The following RAB3GAP2 variants were observed in gnomAD, a reference collection of about 807,000 sequenced individuals.
RAB3GAP2 encodes RAB3 GTPase activating non-catalytic protein subunit 2.
A neutral mutation model predicts 185.3 loss-of-function variants in RAB3GAP2; 87 were observed. The ratio of observed to expected loss-of-function variants is 0.47; its 90% CI spans 0.39 to 0.56. The LOEUF is 0.56. RAB3GAP2 is among the 20% of genes least tolerant of loss of function. The pLI, the probability that RAB3GAP2 is intolerant of heterozygous loss-of-function variation, is 0.00. For synonymous variants in RAB3GAP2, 554 were observed against 576.1 expected, an observed-to-expected ratio of 0.96 and a Z score of 0.55; for missense variants, 1,492 against 1,638.2, an observed-to-expected ratio of 0.91 and a Z score of 1.54.
chr1:220,238,695 T>C, intron 1 of RAB3GAP2, among the ~76,000 whole-genome samples: 1 of 152,252 alleles, frequency 6.6e-6, no homozygotes, highest in East Asian at 1.9e-4. Flanking sequence ...TAAGTGACTC[T>C]ACCTCTCCAA....
chr1:220,159,489 A>G, intron 28 of RAB3GAP2, 68 bp from the exon 29 acceptor site: 1 of 1,209,262 alleles, frequency 8.3e-7, no homozygotes, highest in Non-Finnish European at 1.2e-6. Flanking sequence ...TATGGCACAA[A>G]TAATAAAAAG....
At chr1:220,254,191 G>C in intron 1 of RAB3GAP2, 1 of 1,613,546 alleles carries the variant, frequency 6.2e-7, no homozygotes, top group Admixed American at 1.7e-5. Context: ...TGGAAACACA[G>C]ATAATAAGGA....
At chr1:220,182,663 C>T in intron 20 of RAB3GAP2, 55 bp downstream of exon 20, 2 of 1,345,874 alleles carry the variant, frequency 1.5e-6, no homozygotes, top group South Asian at 1.4e-5. Context: ...ATGTTCCTAC[C>T]ATGTTTTCTT....
chr1:220,234,763 G>C (rs576727124), intron 1 of RAB3GAP2, among the ~76,000 whole-genome samples: 1 of 152,226 alleles, frequency 6.6e-6, no homozygotes, highest in African/African-American at 2.4e-5. Context: ...GAGAAAGTAA[G>C]AGATGGGGAA....
chr1:220,186,485 T>C (rs901821010), intron 17 of RAB3GAP2, among the ~76,000 whole-genome samples: 7 of 152,200 alleles, frequency 4.6e-5, no homozygotes, highest in Admixed American at 1.3e-4. Context: ...GCTCAAGATG[T>C]TGGTCAGGCC....
At chr1:220,236,153 T>C (rs566275500) in intron 1 of RAB3GAP2, among the ~76,000 whole-genome samples, 1 of 152,152 alleles carries the variant, frequency 6.6e-6, no homozygotes, top group East Asian at 1.9e-4. Flanking sequence ...AGTGGGGCAA[T>C]ACCCTTGTGG....
intron 9 of RAB3GAP2, among the ~76,000 whole-genome samples, chr1:220,199,347 T>C (rs1658796874): frequency 6.6e-6 from 1 of 152,214 alleles, no homozygotes; most frequent in African/African-American, 2.4e-5. Context: ...ATGCTCCTTG[T>C]TTGTGATTTT....
chr1:220,172,971 C>G (rs1571881823), intron 21 of RAB3GAP2, among the ~76,000 whole-genome samples: 2 of 152,160 alleles, frequency 1.3e-5, no homozygotes, highest in African/African-American at 4.8e-5. Context: ...TGTTTCCAAA[C>G]CTTCTTTGGG....
intron 9 of RAB3GAP2, chr1:220,200,592 T>G (rs551633647): frequency 1.9e-6 from 1 of 529,704 alleles, no homozygotes; most frequent in East Asian, 5.5e-5. Flanking sequence ...TTCTATCCAA[T>G]CATTTTCCCT....
intron 1 of RAB3GAP2, among the ~76,000 whole-genome samples, chr1:220,248,269 G>A (rs1330243254): frequency 6.6e-6 from 1 of 152,140 alleles, no homozygotes; most frequent in Non-Finnish European, 1.5e-5. Flanking sequence ...ACAAGATGAA[G>A]TTATGAGGAC....
chr1:220,213,154 T>G (rs1021830238), intron 3 of RAB3GAP2, among the ~76,000 whole-genome samples, 186 bp from the exon 4 acceptor site: 1 of 152,228 alleles, frequency 6.6e-6, no homozygotes, highest in African/African-American at 2.4e-5. Flanking sequence ...ATAATACACC[T>G]AGTCTCCTGG....
intron 1 of RAB3GAP2, among the ~76,000 whole-genome samples, chr1:220,235,136 A>T (rs1268382352): frequency 1.3e-5 from 2 of 152,214 alleles, no homozygotes; most frequent in Non-Finnish European, 2.9e-5. Flanking sequence ...ATGAAGGGTA[A>T]GATTAGGGAA....
In RAB3GAP2 at chr1:220,172,708, T is replaced by G; in HGVS notation, c.2345A>C (p.Lys782Thr). 1.2e-6 allele frequency: 2 copies of G among 1,612,380 alleles called. No individual in the cohort carries two copies. Reference protein sequence around the residue: ...LLLSVWLSKEKDILDKPQSIC... With the variant: ...LLLSVWLSKETDILDKPQSIC... The stretch of plus-strand genomic sequence containing the variant: ...TGACTGTGGTTTATCCAAAATATCC[T>G]TTTCCTTTGAAAGCCAAACACTCAG... Residue 782 changes from lysine to threonine, a missense_variant, in exon 22 of 35, where the codon AAG becomes ACG. Coordinates refer to ENST00000358951, the MANE Select transcript of RAB3GAP2 (RefSeq NM_012414.4).
At chr1:220,212,273 A>C (rs1194612774) in intron 4 of RAB3GAP2, among the ~76,000 whole-genome samples, 16 of 152,198 alleles carry the variant, frequency 1.1e-4, no homozygotes, top group Admixed American at 1.0e-3. Context: ...TTTTTCAATG[A>C]ATAAAATTAG....
At chr1:220,216,464 G>C (rs1015513944) in intron 2 of RAB3GAP2, among the ~76,000 whole-genome samples, 2 of 152,132 alleles carry the variant, frequency 1.3e-5, no homozygotes, top group South Asian at 2.1e-4. Flanking sequence ...CACTCCTCAT[G>C]ATGGCTTGCT....
intron 1 of RAB3GAP2, chr1:220,266,843 T>A (rs1043721541): frequency 2.6e-5 from 41 of 1,596,876 alleles, no homozygotes; most frequent in Middle Eastern, 3.7e-4. Flanking sequence ...TGAAATGAGG[T>A]CCCTGGCTCC....
In RAB3GAP2 at chr1:220,157,371, A is replaced by G. The variant is rs774874748; in HGVS notation, c.3454T>C (p.Tyr1152His). ...ATGGAGTGGTGCTCCACCAGTGGGT[A>G]GTGGATGTGCTTCTGTTCAAGGGCC... is the stretch of plus-strand genomic sequence containing the variant. ...ELALEQKHIH[Y>H]PLVEHHSILC... Residue 1152 changes from tyrosine (Y) to histidine (H), a missense_variant, in exon 31 of 35, where the codon TAC becomes CAC. Coordinates refer to ENST00000358951, the MANE Select transcript of RAB3GAP2 (RefSeq NM_012414.4). The G allele has an allele frequency of 6.2e-7, 1 of 1,613,230 alleles. No individual in the cohort carries two copies. The highest frequency in any genetic ancestry group is 8.5e-7 in the Non-Finnish European group (1 of 1,179,816).
chr1:220,266,812 G>A (rs1010757522), intron 1 of RAB3GAP2: 39 of 1,595,688 alleles, frequency 2.4e-5, no homozygotes, highest in Non-Finnish European at 3.2e-5. Flanking sequence ...GCCTCTGGCT[G>A]GGAACATGCT....
At chr1:220,202,201 T>C (rs1410028120) in intron 9 of RAB3GAP2, 75 bp downstream of exon 9, 1 of 1,474,146 alleles carries the variant, frequency 6.8e-7, no homozygotes. Context: ...TAAATGCCCA[T>C]TTCTAATAAA....
Sources: gnomAD v4.1 joint callset for allele counts (sites outside exome capture counted in the v4.1 genomes callset) on GRCh38, gnomAD v4.1.1 for gene constraint, MANE v1.5 for transcripts, NCBI Gene and HGNC (gene_info 2026-07-23, HGNC 2026-07-21) for gene names.